The following RAB40A variants were observed in gnomAD, a reference collection of about 807,000 sequenced individuals.
RAB40A encodes RAB40A, member RAS oncogene family.
For missense variants in RAB40A, 145 were observed against 230.2 expected (o/e 0.63, Z 2.40); for synonymous variants, 65 against 99.9 (o/e 0.65, Z 2.08).
Position 103,510,196 on chromosome X carries a change from G to A in RAB40A, c.-71+7178C>T, listed in dbSNP as rs72616821. Among the ~76,000 whole-genome samples, 97 of 111,794 alleles carry A rather than the reference G, an allele frequency of 8.7e-4. No homozygotes were observed. The East Asian group carries it at 0.026, about 30-fold the overall frequency. On this transcript the variant is annotated intron_variant, in intron 2 of 2. Transcript: ENST00000304236. ...AGAGATTTCACAATTTCTCAGACTC[G>A]GGAGCATGATGTACTGGACATAAAT...
Position 103,499,846 on chromosome X carries a change from A to C in RAB40A, c.*77T>G. 1 of 1,131,649 alleles carries C rather than the reference A, an allele frequency of 8.8e-7. No homozygotes were observed. The highest frequency in any genetic ancestry group is 1.2e-6 in the Non-Finnish European group (1 of 822,899). 93.3% of individuals were successfully genotyped at this position (1,131,649 alleles called of 1,213,427 possible). On this transcript the variant is annotated 3_prime_UTR_variant, in exon 3 of 3. Coordinates refer to ENST00000304236, the MANE Select transcript of RAB40A (RefSeq NM_080879.3). Reference sequence around the variant, plus strand: ...CTGAAAACTAATTTCTTGAATCTACAATGCGACTTCCATCTTCCAGGTGTA... The same window carrying C: ...CTGAAAACTAATTTCTTGAATCTACCATGCGACTTCCATCTTCCAGGTGTA...
chrX:103,503,035 G>C lies in RAB40A; in HGVS notation c.-70-2209C>G, dbSNP rs373877624. 9.3e-6 allele frequency: 7 copies of C among 749,779 alleles called. No individual in the cohort carries two copies. The East Asian group carries it at 6.1e-4, about 65-fold the overall frequency. 61.8% of individuals were successfully genotyped at this position (749,779 alleles called of 1,213,427 possible). On this transcript the variant is annotated intron_variant, in intron 2 of 2. Coordinates refer to ENST00000304236, the MANE Select transcript of RAB40A (RefSeq NM_080879.3). ...ATATAAAGAAAGCAAATCTCTCTCTGATATGCCTTGAGTTCAAAGTTTTAG... is the reference window on the plus strand; with the variant it reads ...ATATAAAGAAAGCAAATCTCTCTCTCATATGCCTTGAGTTCAAAGTTTTAG...
chrX:103,513,399 A>G (rs1440387913), intron 2 of RAB40A, among the ~76,000 whole-genome samples: 1 of 111,585 alleles, frequency 9.0e-6, no homozygotes, highest in African/African-American at 3.3e-5. Context: ...GGGTAAAAGT[A>G]GAGTCACAGT....
rs747519952 is a variant in RAB40A at position 103,500,640 on chromosome X, A to G, written c.117T>C (p.Ala39=). 5 of 1,207,706 alleles carry G rather than the reference A, an allele frequency of 4.1e-6. No individual in the cohort carries two copies. The highest frequency in any genetic ancestry group is 2.2e-5 in the Admixed American group (1 of 45,601). Residue 39 remains alanine (A), a synonymous_variant, in exon 3 of 3, where the codon GCT becomes GCC. Coordinates refer to ENST00000304236, the MANE Select transcript of RAB40A (RefSeq NM_080879.3). ...EILESLQDGA[A]ESPYSHLGGI... is the part of the protein sequence containing the mutation. ...CCCCGAGATGGCTGTACGGGGACTC[A>G]GCTGCACCATCCTGCAGGCTCTCCA... is the stretch of plus-strand genomic sequence containing the variant.
At chrX:103,498,263 C>T (rs755458200), downstream of RAB40A, among the ~76,000 whole-genome samples, 84 of 112,197 alleles carry the variant, frequency 7.5e-4, no homozygotes, top group Non-Finnish European at 1.3e-3. Context: ...AGTGCATATT[C>T]TTCCTGATAC....
In RAB40A at chrX:103,500,164, C is replaced by T; in HGVS notation, c.593G>A (p.Arg198His). ...KVLSLQDLCCRTIVSCTPVHL... is the reference protein window; with the variant it reads ...KVLSLQDLCCHTIVSCTPVHL... Reference sequence around the variant, plus strand: ...CACAGGTGTGCAGGACACGATGGTGCGGCAGCAGAGGTCTTGCAAGCTCAG... The same window carrying T: ...CACAGGTGTGCAGGACACGATGGTGTGGCAGCAGAGGTCTTGCAAGCTCAG... Residue 198 changes from arginine (R) to histidine (H), a missense_variant, in exon 3 of 3, where the codon CGC (arginine) becomes CAC (histidine). Physicochemically the swap from Arg to His is conservative, Grantham distance 29 (BLOSUM62 0). Coordinates refer to ENST00000304236, the MANE Select transcript of RAB40A (RefSeq NM_080879.3). 8.3e-7 allele frequency: 1 copy of T among 1,211,941 alleles called. No individual in the cohort carries two copies. Among genetic ancestry groups the T allele is most frequent in the Non-Finnish European group, 1.1e-6 (1 of 895,531 alleles).
chrX:103,501,976 T>C (rs575297862), intron 2 of RAB40A: 2 of 123,230 alleles, frequency 1.6e-5, no homozygotes, highest in Non-Finnish European at 3.8e-5. Context: ...GGTACAAAGA[T>C]GGTTAAAGAA....
At chrX:103,517,824 G>A (rs192580487) in intron 1 of RAB40A, among the ~76,000 whole-genome samples, 156 of 111,589 alleles carry the variant, frequency 1.4e-3, no homozygotes, top group Admixed American at 2.7e-3. Context: ...ATAATCTAAG[G>A]TGCATCTACA....
At chrX:103,518,469 G>A (rs1367688151) in intron 1 of RAB40A, among the ~76,000 whole-genome samples, 1 of 110,591 alleles carries the variant, frequency 9.0e-6, no homozygotes, top group African/African-American at 3.3e-5. Flanking sequence ...TTATCTTAGA[G>A]AAATGACTGA....
chrX:103,494,214 T>C (rs1181909934), downstream of RAB40A, among the ~76,000 whole-genome samples: 1 of 112,484 alleles, frequency 8.9e-6, no homozygotes, highest in Admixed American at 9.4e-5. Context: ...CATATGCCTG[T>C]CTGCCATTTG....
chrX:103,500,598 C>T lies in RAB40A; in HGVS notation c.159G>A (p.Thr53=). The change falls in exon 3 of 3, where the codon ACG becomes ACA. Residue 53 remains threonine, a synonymous_variant. Coordinates refer to ENST00000304236, the MANE Select transcript of RAB40A (RefSeq NM_080879.3). Reference sequence around the variant, plus strand: ...GCTGGCCGTCCAGCAGGATGGTGGTCGTCTTGTAGTCGATCCCCCCGAGAT... The same window carrying T: ...GCTGGCCGTCCAGCAGGATGGTGGTTGTCTTGTAGTCGATCCCCCCGAGAT... ...YSHLGGIDYK[T]TTILLDGQRV... 8.3e-7 allele frequency: 1 copy of T among 1,211,245 alleles called. No homozygotes were observed. The highest frequency in any genetic ancestry group is 1.1e-6 in the Non-Finnish European group (1 of 895,367).
chrX:103,516,095 G>A (rs1238781783), intron 2 of RAB40A, among the ~76,000 whole-genome samples: 2 of 111,940 alleles, frequency 1.8e-5, no homozygotes, highest in Admixed American at 9.5e-5. Context: ...TAGCAGAGAC[G>A]GAAGGAGATA....
chrX:103,494,953 G>A (rs2073157209), downstream of RAB40A, among the ~76,000 whole-genome samples: 1 of 112,101 alleles, frequency 8.9e-6, no homozygotes, highest in South Asian at 3.7e-4. Flanking sequence ...TGTGGAGAAT[G>A]TCATTGGTAT....
At chrX:103,518,543 G>A (rs1316012701) in intron 1 of RAB40A, among the ~76,000 whole-genome samples, 5 of 110,797 alleles carry the variant, frequency 4.5e-5, no homozygotes, top group South Asian at 3.9e-4. Context: ...CAGAGAGTGC[G>A]TCAAAAAGAC....
chrX:103,496,396 G>C (rs943326180), downstream of RAB40A, among the ~76,000 whole-genome samples: 1 of 112,003 alleles, frequency 8.9e-6, no homozygotes, highest in Non-Finnish European at 1.9e-5. Flanking sequence ...GATTTGTGTG[G>C]TGCAGTAGAA....
chrX:103,507,597 C>G (rs773209993), intron 2 of RAB40A, among the ~76,000 whole-genome samples: 48 of 107,726 alleles, frequency 4.5e-4, no homozygotes, highest in Non-Finnish European at 7.3e-4. Context: ...TGAAAAAAAA[C>G]CCTTAAGTAA....
At chrX:103,498,866 A>T (rs1272425827), downstream of RAB40A, among the ~76,000 whole-genome samples, 1 of 112,509 alleles carries the variant, frequency 8.9e-6, no homozygotes, top group East Asian at 2.8e-4. Context: ...ATTGGAAAGT[A>T]ACTACGTGGA....
chrX:103,507,471 T>A (rs1444319866), intron 2 of RAB40A, among the ~76,000 whole-genome samples: 1 of 107,795 alleles, frequency 9.3e-6, no homozygotes, highest in African/African-American at 3.6e-5. Context: ...ATTATACAGG[T>A]CATATTTAAA....
At chrX:103,509,311 C>A (rs998605030) in intron 2 of RAB40A, among the ~76,000 whole-genome samples, 2 of 105,041 alleles carry the variant, frequency 1.9e-5, no homozygotes, top group Non-Finnish European at 3.8e-5. Context: ...CTCTCTCTCT[C>A]TCTCTCTCTG....
Sources: gnomAD v4.1 joint callset for allele counts (sites outside exome capture counted in the v4.1 genomes callset) on GRCh38, gnomAD v4.1.1 for gene constraint, MANE v1.5 for transcripts, NCBI Gene and HGNC (gene_info 2026-07-23, HGNC 2026-07-21) for gene names.